DUSP6: variants seen among roughly 807,000 people sequenced by gnomAD.
The protein encoded by DUSP6 is dual specificity phosphatase 6.
Under a neutral mutation model 28.0 loss-of-function variants are expected in DUSP6, and 6 were observed. That is an observed-to-expected ratio of 0.21 (90% CI 0.12 to 0.42). DUSP6 has a LOEUF of 0.42. Ranked by LOEUF, DUSP6 falls within the 10% of genes least tolerant of loss-of-function variation. The pLI, the probability that DUSP6 is intolerant of heterozygous loss-of-function variation, is 1.00. For synonymous variants in DUSP6, 252 were observed against 217.5 expected (o/e 1.16, Z -1.40); for missense variants, 451 against 498.1 (o/e 0.91, Z 0.90).
chr12:89,348,523 G>A lies in DUSP6; in HGVS notation c.*731C>T, dbSNP rs1487212888. 1 of 152,368 alleles carries A rather than the reference G, an allele frequency of 6.6e-6. No homozygotes were observed. 9.4% of individuals were successfully genotyped at this position (152,368 alleles called of 1,614,324 possible). On this transcript the variant is annotated 3_prime_UTR_variant, in exon 3 of 3. Transcript: ENST00000279488. Reference sequence around the variant, plus strand: ...AAGACTAAAGACTTCGCCATAACAAGGTCTTAGTGATAATAGTGTCCGTAA... The same window carrying A: ...AAGACTAAAGACTTCGCCATAACAAAGTCTTAGTGATAATAGTGTCCGTAA...
intron 1 of DUSP6, 98 bp from the exon 2 acceptor site, chr12:89,351,123 T>G: frequency 7.8e-7 from 1 of 1,285,266 alleles, no homozygotes; most frequent in Non-Finnish European, 1.1e-6. Flanking sequence ...ACCACAAGCA[T>G]CCTACGAACC....
chr12:89,352,113 C>G lies in DUSP6; in HGVS notation c.-74G>C. On this transcript the variant is annotated 5_prime_UTR_variant, in exon 1 of 3. Coordinates refer to ENST00000279488, the MANE Select transcript of DUSP6 (RefSeq NM_001946.4). ...GGGCAGGCATAGGCCGAGCGCACCG[C>G]GCGCGAAGCTGCCGCTCTCGGAGCG... The G allele has an allele frequency of 6.5e-7, 1 of 1,531,372 alleles. No homozygotes were observed. The highest frequency in any genetic ancestry group is 8.8e-7 in the Non-Finnish European group (1 of 1,138,844). 94.9% of individuals were successfully genotyped at this position (1,531,372 alleles called of 1,614,324 possible). A position where few individuals can be genotyped will look rare whatever the true frequency, so the allele number is the denominator to read the frequency against.
intron 2 of DUSP6, 126 bp from the exon 3 acceptor site, chr12:89,349,687 C>G: frequency 1.5e-6 from 1 of 665,308 alleles, no homozygotes; most frequent in South Asian, 2.0e-5. Flanking sequence ...TTGAGCCCTA[C>G]AAGCAGCAGA....
rs370130918 is a variant in DUSP6, at chr12:89,349,306, G to A, written c.1094C>T (p.Thr365Ile). Residue 365 changes from threonine (T) to isoleucine (I), a missense_variant, in exon 3 of 3, where the codon ACC becomes ATC. Physicochemically the swap from Thr to Ile is moderately conservative, Grantham distance 89. Transcript: ENST00000279488. ...NRVPAQQLYFTTPSNQNVYQV... is the reference protein window; with the variant it reads ...NRVPAQQLYFITPSNQNVYQV... ...GTATACATTCTGGTTGGAAGGGGTG[G>A]TAAAATACAGCTGCTGTGCTGGAAC... is the stretch of plus-strand genomic sequence containing the variant. 10 of 1,614,002 alleles carry A rather than the reference G, an allele frequency of 6.2e-6. No homozygotes were observed. The highest frequency in any genetic ancestry group is 2.2e-5 in the East Asian group (1 of 44,894).
At position 89,347,311 on chromosome 12, in the gene DUSP6, G is replaced by A. The variant is rs200418292; in HGVS notation, c.*1943C>T. 2.0e-5 allele frequency: 3 copies of A among 152,222 alleles called. No homozygotes were observed. The East Asian group carries it at 5.8e-4, about 29-fold the overall frequency. 9.4% of individuals were successfully genotyped at this position (152,222 alleles called of 1,614,324 possible). A position where few individuals can be genotyped will look rare whatever the true frequency, so the allele number is the denominator to read the frequency against. ...GAGGTAAGGAGAGGGTAGGTCCCAAGAAAAATGGCAAGATATAAAGTCTTT... is the reference window on the plus strand; with the variant it reads ...GAGGTAAGGAGAGGGTAGGTCCCAAAAAAAATGGCAAGATATAAAGTCTTT... On this transcript the variant is annotated 3_prime_UTR_variant, in exon 3 of 3. Transcript: ENST00000279488.
rs1879173020 is a variant in DUSP6, at chr12:89,351,175, T to A, written c.401-150A>T. ...ATCTATAAGAGAAACACACTTTAAA[T>A]GTGCACCATCGGGAATGGAACGAAC... On this transcript the variant is annotated intron_variant, in intron 1 of 2. Coordinates refer to ENST00000279488, the MANE Select transcript of DUSP6 (RefSeq NM_001946.4). The A allele has an allele frequency of 3.4e-6, 3 of 888,694 alleles. No homozygotes were observed. In the South Asian group the frequency reaches 5.4e-5, roughly 16 times the overall value. 55.1% of individuals were successfully genotyped at this position (888,694 alleles called of 1,614,324 possible).
In DUSP6 at chr12:89,352,385, A is replaced by C; in HGVS notation, c.-346T>G. 1.4e-5 allele frequency: 4 copies of C among 275,994 alleles called. No individual in the cohort carries two copies. The highest frequency in any genetic ancestry group is 2.1e-5 in the Non-Finnish European group (3 of 142,978). The allele number at this position is 275,994 out of a possible 1,614,324, so 17.1% of individuals were successfully genotyped here. A position where few individuals can be genotyped will look rare whatever the true frequency, so the allele number is the denominator to read the frequency against. ...CTAGCGGCTTCTAATCCCTCCCTCC[A>C]AGGCTGCACCTCAAATCTACCCGGG... On this transcript the variant is annotated 5_prime_UTR_variant, in exon 1 of 3. Coordinates refer to ENST00000279488, the MANE Select transcript of DUSP6 (RefSeq NM_001946.4).
rs1055835044 is a variant in DUSP6 at position 89,351,874 on chromosome 12, C to T, written c.166G>A (p.Val56Met). The T allele has an allele frequency of 1.2e-6, 2 of 1,612,568 alleles. No homozygotes were observed. Among genetic ancestry groups the T allele is most frequent in the African/African-American group, 2.7e-5 (2 of 75,046 alleles). The stretch of plus-strand genomic sequence containing the variant: ...CGCAGCATGATGCCCGGGATGGCCA[C>T]GTTGATGGCCGACTCGATGTGCGAC... ...ESSHIESAIN[V>M]AIPGIMLRRL... Residue 56 changes from valine (V) to methionine (M), a missense_variant, in exon 1 of 3, where the codon GTG (valine) becomes ATG (methionine). Physicochemically the swap from Val to Met is conservative, Grantham distance 21. Around this residue, in one of 2 missense-constraint regions of DUSP6, gnomAD observed 347 missense variants for 346.6 expected, o/e 1.00. Coordinates refer to ENST00000279488, the MANE Select transcript of DUSP6 (RefSeq NM_001946.4).
Position 89,351,771 on chromosome 12 carries a change from C to A in DUSP6, c.269G>T (p.Cys90Phe). 6.2e-7 allele frequency: 1 copy of A among 1,609,288 alleles called. No individual in the cohort carries two copies. Among genetic ancestry groups the A allele is most frequent in the Non-Finnish European group, 8.5e-7 (1 of 1,178,552 alleles). The change falls in exon 1 of 3, where the codon TGT (cysteine) becomes TTT (phenylalanine). Residue 90 changes from cysteine (C) to phenylalanine (F), a missense_variant. Transcript: ENST00000279488. ...GEDRDRFTRRCGTDTVVLYDE... is the reference protein window; with the variant it reads ...GEDRDRFTRRFGTDTVVLYDE... ...GTAGAGCACCACTGTGTCGGTGCCACAGCGCCGGGTGAAGCGGTCCCGGTC... is the reference window on the plus strand; with the variant it reads ...GTAGAGCACCACTGTGTCGGTGCCAAAGCGCCGGGTGAAGCGGTCCCGGTC...
Position 89,349,094 on chromosome 12 carries a change from A to G in DUSP6, c.*160T>C, listed in dbSNP as rs1879088716. The G allele has an allele frequency of 2.9e-6, 2 of 695,666 alleles. No homozygotes were observed. The highest frequency in any genetic ancestry group is 2.9e-5 in the Admixed American group (1 of 34,608). The allele number at this position is 695,666 out of a possible 1,614,324, so 43.1% of individuals were successfully genotyped here. ...AGAGAATGGAGCAAATCTCTCTGTT[A>G]GTATTAACCAATTCCGCACTTGGTA... is the stretch of plus-strand genomic sequence containing the variant. On this transcript the variant is annotated 3_prime_UTR_variant, in exon 3 of 3. Transcript: ENST00000279488.
At chr12:89,349,618 ATGATCAGTCTAAAAAC>A in intron 2 of DUSP6, 57 bp from the exon 3 acceptor site, 1 of 1,376,662 alleles carries the variant, frequency 7.3e-7, no homozygotes, top group Non-Finnish European at 1.0e-6. Flanking sequence ...CCCTTTGTGA[ATGATCAGTCTAAAAAC>A]TGAACTTGAA....
At position 89,352,246 on chromosome 12, in the gene DUSP6, T is replaced by C. The variant is rs1879229694; in HGVS notation, c.-207A>G. On this transcript the variant is annotated 5_prime_UTR_variant, in exon 1 of 3. Transcript: ENST00000279488. ...TGCACCCAGCTGCAGCCGCTGGCTCTTAGTGTCAATGAATCTCTCTCAATG... is the reference window on the plus strand; with the variant it reads ...TGCACCCAGCTGCAGCCGCTGGCTCCTAGTGTCAATGAATCTCTCTCAATG... 2 of 668,258 alleles carry C rather than the reference T, an allele frequency of 3.0e-6. No homozygotes were observed. The highest frequency in any genetic ancestry group is 1.8e-5 in the African/African-American group (1 of 55,208). 41.4% of individuals were successfully genotyped at this position (668,258 alleles called of 1,614,324 possible).
Position 89,351,808 on chromosome 12 carries a change from T to A in DUSP6, c.232A>T (p.Thr78Ser). 6.2e-7 allele frequency: 1 copy of A among 1,610,932 alleles called. No individual in the cohort carries two copies. Among genetic ancestry groups the A allele is most frequent in the Non-Finnish European group, 8.5e-7 (1 of 1,179,300 alleles). ...KGNLPVRALF[T>S]RGEDRDRFTR... ...AAGCGGTCCCGGTCCTCGCCGCGCGTGAAGAGCGCGCGCACCGGCAGGTTA... is the reference window on the plus strand; with the variant it reads ...AAGCGGTCCCGGTCCTCGCCGCGCGAGAAGAGCGCGCGCACCGGCAGGTTA... The change falls in exon 1 of 3, where the codon ACG (threonine) becomes TCG (serine). Residue 78 changes from threonine (T) to serine (S), a missense_variant. By Grantham distance (58) the Thr-to-Ser change is moderately conservative. Transcript: ENST00000279488.
Position 89,352,345 on chromosome 12 carries a change from G to A in DUSP6, c.-306C>T, listed in dbSNP as rs1443417340. On this transcript the variant is annotated 5_prime_UTR_variant, in exon 1 of 3. Transcript: ENST00000279488. The stretch of plus-strand genomic sequence containing the variant: ...AATTCGGACTCCGTGCTACTGAGAG[G>A]GGAGGAAAAAAAGTCTAGCGGCTTC... 6 of 391,178 alleles carry A rather than the reference G, an allele frequency of 1.5e-5. No individual in the cohort carries two copies. Among genetic ancestry groups the A allele is most frequent in the East Asian group, 9.1e-5 (2 of 21,942 alleles). The allele number at this position is 391,178 out of a possible 1,614,324, so 24.2% of individuals were successfully genotyped here. A position where few individuals can be genotyped will look rare whatever the true frequency, so the allele number is the denominator to read the frequency against.
chr12:89,352,293 T>G lies in DUSP6; in HGVS notation c.-254A>C. 1.7e-5 allele frequency: 9 copies of G among 533,912 alleles called. No individual in the cohort carries two copies. The highest frequency in any genetic ancestry group is 3.0e-5 in the Non-Finnish European group (9 of 301,522). The allele number at this position is 533,912 out of a possible 1,614,324, so 33.1% of individuals were successfully genotyped here. A position where few individuals can be genotyped will look rare whatever the true frequency, so the allele number is the denominator to read the frequency against. ...AATGAAGCTGCCCAGATAGTTTTTG[T>G]TCCTCCCCAGTGAATGAAATCCAAT... On this transcript the variant is annotated 5_prime_UTR_variant, in exon 1 of 3. Transcript: ENST00000279488.
At chr12:89,350,138 T>C (rs1879130593) in intron 2 of DUSP6, among the ~76,000 whole-genome samples, 1 of 152,258 alleles carries the variant, frequency 6.6e-6, no homozygotes, top group Non-Finnish European at 1.5e-5. Flanking sequence ...CTGTTACCAG[T>C]ATCACCGCAT....
intron 1 of DUSP6, chr12:89,351,332 T>C (rs1189353946): frequency 3.5e-6 from 2 of 575,404 alleles, no homozygotes; most frequent in Non-Finnish European, 6.0e-6. Context: ...CTGCAAATCT[T>C]AATTCAAAAT....
Position 89,351,839 on chromosome 12 carries a change from C to G in DUSP6, c.201G>C (p.Gln67His). The G allele has an allele frequency of 6.2e-7, 1 of 1,611,808 alleles. No homozygotes were observed. Among genetic ancestry groups the G allele is most frequent in the Non-Finnish European group, 8.5e-7 (1 of 1,179,636 alleles). ...AIPGIMLRRL[Q>H]KGNLPVRALF... ...GCGCGCGCACCGGCAGGTTACCCTTCTGCAGGCGCCGCAGCATGATGCCCG... is the reference window on the plus strand; with the variant it reads ...GCGCGCGCACCGGCAGGTTACCCTTGTGCAGGCGCCGCAGCATGATGCCCG... The change falls in exon 1 of 3, where the codon CAG becomes CAC. Residue 67 changes from glutamine (Q) to histidine (H), a missense_variant. Around this residue, in one of 2 missense-constraint regions of DUSP6, gnomAD observed 347 missense variants for 346.6 expected, o/e 1.00. Transcript: ENST00000279488.
chr12:89,351,451 G>T, intron 1 of DUSP6, 189 bp downstream of exon 1: 4 of 1,007,344 alleles, frequency 4.0e-6, no homozygotes, highest in Non-Finnish European at 5.6e-6. Flanking sequence ...TGGATTCTGA[G>T]CCGGCCCGGT....
Sources: allele counts gnomAD v4.1 joint callset (sites outside exome capture counted in the v4.1 genomes callset), GRCh38; gene constraint gnomAD v4.1.1; regional missense constraint gnomAD v4.1.1; transcripts MANE v1.5; gene names NCBI Gene and HGNC (gene_info 2026-07-23, HGNC 2026-07-21).